Variants in TBC1D14 observed in about 807,000 individuals in gnomAD.
TBC1D14 encodes TBC1 domain family member 14.
TBC1D14 carries 26 observed loss-of-function variants against 79.0 expected under a neutral mutation model. That is an observed-to-expected ratio of 0.33 (90% CI 0.24 to 0.46). The LOEUF is 0.46. Ranked by LOEUF, TBC1D14 falls within the 20% of genes least tolerant of loss-of-function variation. The pLI, the probability that TBC1D14 is intolerant of heterozygous loss-of-function variation, is 1.00. For synonymous variants in TBC1D14, 394 were observed against 349.9 expected, an observed-to-expected ratio of 1.13 and a Z score of -1.40; for missense variants, 769 against 887.6, an observed-to-expected ratio of 0.87 and a Z score of 1.70.
In TBC1D14 at chr4:7,004,741, A is replaced by G. The variant is rs10004752; in HGVS notation, c.1271-103A>G. 4,152 of 1,021,652 alleles carry G rather than the reference A, an allele frequency of 4.1e-3. 102 individuals are homozygous for G. In the African/African-American group the frequency reaches 0.058, roughly 14 times the overall value. 63.3% of individuals were successfully genotyped at this position (1,021,652 alleles called of 1,614,324 possible). ...CTGTTAAGTATGCATTAAGCCTATT[A>G]TAGTTGAACTTAAGTATTTGGAGGA... is the stretch of plus-strand genomic sequence containing the variant. On this transcript the variant is annotated intron_variant, in intron 7 of 13. Transcript: ENST00000409757.
At chr4:7,014,898 C>G (rs1015107373) in intron 12 of TBC1D14, among the ~76,000 whole-genome samples, 1 of 152,206 alleles carries the variant, frequency 6.6e-6, no homozygotes, top group Admixed American at 6.5e-5. Context: ...GAGCTCCTGG[C>G]TTGTGGGAGA....
Position 7,001,180 on chromosome 4 carries a change from AG to A in TBC1D14, c.1202del (p.Gly401GlufsTer6), listed in dbSNP as rs1373805475. 1 of 1,614,178 alleles carries A rather than the reference AG, an allele frequency of 6.2e-7. No individual in the cohort carries two copies. Among genetic ancestry groups the A allele is most frequent in the Non-Finnish European group, 8.5e-7 (1 of 1,180,022 alleles). ...CSRKVRDLWW[Q>X]GIPPSVRGKV... ...AGAAAAGTTCGAGATTTATGGTGGCAGGGAATCCCTCCAAGTGTGAGAGGCA... is the reference window on the plus strand; with the variant it reads ...AGAAAAGTTCGAGATTTATGGTGGCAGGAATCCCTCCAAGTGTGAGAGGCA... On this transcript the variant is annotated frameshift_variant, in exon 7 of 14. Coordinates refer to ENST00000409757, the MANE Select transcript of TBC1D14 (RefSeq NM_020773.3). LOFTEE classifies it high-confidence loss of function.
At chr4:7,015,707 C>T (rs56307635) in intron 12 of TBC1D14, among the ~76,000 whole-genome samples, 68,173 of 151,902 alleles carry the variant, frequency 0.45, 15,801 homozygotes, top group East Asian at 0.61. Context: ...AGGGTGCCTC[C>T]GGGATCCAGC....
intron 2 of TBC1D14, among the ~76,000 whole-genome samples, chr4:6,962,576 T>G (rs1352846928): frequency 6.6e-6 from 1 of 152,034 alleles, no homozygotes; most frequent in Non-Finnish European, 1.5e-5. Context: ...AAGGGCCCTT[T>G]GTTGGGGATG....
intron 2 of TBC1D14, among the ~76,000 whole-genome samples, chr4:6,941,288 C>T (rs1228848985): frequency 1.3e-5 from 2 of 151,148 alleles, no homozygotes; most frequent in African/African-American, 4.9e-5. Context: ...CAGGTTCTCG[C>T]GATTCTCCTG....
At chr4:6,994,764 G>C (rs1439504341) in intron 4 of TBC1D14, among the ~76,000 whole-genome samples, 1 of 151,740 alleles carries the variant, frequency 6.6e-6, no homozygotes, top group East Asian at 1.9e-4. Context: ...GGAGGCTGAG[G>C]CAGGAGAATC....
At chr4:6,939,175 C>T (rs537545255) in intron 2 of TBC1D14, among the ~76,000 whole-genome samples, 4 of 152,294 alleles carry the variant, frequency 2.6e-5, no homozygotes, top group African/African-American at 9.6e-5. Context: ...TGCAGAGTTG[C>T]GTCAGGCGGT....
chr4:6,997,586 A>G (rs1322710531), intron 5 of TBC1D14, among the ~76,000 whole-genome samples: 2 of 152,200 alleles, frequency 1.3e-5, no homozygotes, highest in Non-Finnish European at 2.9e-5. Flanking sequence ...AGATCGTGCC[A>G]CTGCACTCCA....
chr4:6,955,456 G>T (rs1714539360), intron 2 of TBC1D14, among the ~76,000 whole-genome samples: 1 of 152,188 alleles, frequency 6.6e-6, no homozygotes, highest in South Asian at 2.1e-4. Context: ...AGTGCCTGGT[G>T]CAGCACTAGG....
At position 6,999,147 on chromosome 4, in the gene TBC1D14, A is replaced by G; in HGVS notation, c.1108A>G (p.Ile370Val). The G allele has an allele frequency of 6.2e-7, 1 of 1,614,228 alleles. No homozygotes were observed. The highest frequency in any genetic ancestry group is 1.1e-5 in the South Asian group (1 of 91,078). Residue 370 changes from isoleucine (I) to valine (V), a missense_variant, in exon 6 of 14, where the codon ATT becomes GTT. Coordinates refer to ENST00000409757, the MANE Select transcript of TBC1D14 (RefSeq NM_020773.3). ...AGAAAGATGCAGAGTCGAGGAAAGCATTGGAAACGCTGTGCTCACCTGGAA... is the reference window on the plus strand; with the variant it reads ...AGAAAGATGCAGAGTCGAGGAAAGCGTTGGAAACGCTGTGCTCACCTGGAA... ...LEERCRVEES[I>V]GNAVLTWNNE...
rs1316271412 is a variant in TBC1D14 at position 6,999,069 on chromosome 4, A to G, written c.1046-16A>G. 4 of 1,612,460 alleles carry G rather than the reference A, an allele frequency of 2.5e-6. No homozygotes were observed. Among genetic ancestry groups the G allele is most frequent in the Non-Finnish European group, 3.4e-6 (4 of 1,178,604 alleles). On this transcript the variant is annotated splice_polypyrimidine_tract_variant and intron_variant, in intron 5 of 13. Transcript: ENST00000409757. ...TCAGTTAGTAGATTGTTGTTTTTCT[A>G]AATTGTGATTTCTAGAGCTGAAAGA... is the stretch of plus-strand genomic sequence containing the variant.
At position 6,921,828 on chromosome 4, in the gene TBC1D14, C is replaced by A. The variant is rs550784144; in HGVS notation, c.-17-1545C>A. Among the ~76,000 whole-genome samples the A allele has an allele frequency of 1.1e-4, 17 of 151,912 alleles. No homozygotes were observed. The South Asian group carries it at 3.5e-3, about 32-fold the overall frequency. On this transcript the variant is annotated intron_variant, in intron 1 of 13. Transcript: ENST00000409757. Reference sequence around the variant, plus strand: ...TCTCCTGCCTCAGCTTCCCTAGTAGCTGAGATTACAGGCGCACACCACCAC... The same window carrying A: ...TCTCCTGCCTCAGCTTCCCTAGTAGATGAGATTACAGGCGCACACCACCAC...
chr4:6,956,887 G>T (rs3892976), intron 2 of TBC1D14, among the ~76,000 whole-genome samples: 1 of 152,086 alleles, frequency 6.6e-6, no homozygotes, highest in Non-Finnish European at 1.5e-5. Context: ...TGCTAGAAGC[G>T]AACAAAGGTG....
At chr4:6,942,482 A>C (rs1003106691) in intron 2 of TBC1D14, among the ~76,000 whole-genome samples, 1 of 152,236 alleles carries the variant, frequency 6.6e-6, no homozygotes, top group Non-Finnish European at 1.5e-5. Context: ...GCCCCACAGC[A>C]GTCCAGTTTC....
intron 2 of TBC1D14, among the ~76,000 whole-genome samples, chr4:6,926,307 C>T (rs914682387): frequency 7.9e-5 from 12 of 152,268 alleles, no homozygotes; most frequent in East Asian, 1.9e-4. Context: ...TTGCTTGTGG[C>T]GATCATGGCC....
intron 13 of TBC1D14, among the ~76,000 whole-genome samples, 173 bp from the exon 14 acceptor site, chr4:7,030,154 C>T (rs567503565): frequency 6.6e-6 from 1 of 152,306 alleles, no homozygotes; most frequent in South Asian, 2.1e-4. Context: ...GGCAGGTGTC[C>T]ATGTTGGAAA....
At chr4:6,958,021 A>G (rs1051438824) in intron 2 of TBC1D14, among the ~76,000 whole-genome samples, 1 of 150,894 alleles carries the variant, frequency 6.6e-6, no homozygotes, top group Non-Finnish European at 1.5e-5. Flanking sequence ...TGTTAAGCCC[A>G]CAGTGCTGCC....
chr4:6,999,362 C>G (rs1056006371), intron 6 of TBC1D14, among the ~76,000 whole-genome samples, 160 bp downstream of exon 6: 1 of 151,958 alleles, frequency 6.6e-6, no homozygotes, highest in African/African-American at 2.4e-5. Flanking sequence ...CTGCGCCATC[C>G]CTTGCTTGGA....
chr4:6,992,644 T>C (rs1718622080), intron 3 of TBC1D14, among the ~76,000 whole-genome samples: 1 of 152,246 alleles, frequency 6.6e-6, no homozygotes, highest in Non-Finnish European at 1.5e-5. Context: ...TAATTCTTGT[T>C]AAAATGCAGC....
Sources: gnomAD v4.1 joint callset for allele counts (sites outside exome capture counted in the v4.1 genomes callset) on GRCh38, gnomAD v4.1.1 for gene constraint, MANE v1.5 for transcripts, NCBI Gene and HGNC (gene_info 2026-07-23, HGNC 2026-07-21) for gene names.